The following SMAP1 variants were observed in gnomAD, a reference collection of about 807,000 sequenced individuals.
SMAP1 encodes stromal membrane-associated protein 1.
Under a neutral mutation model 58.5 loss-of-function variants are expected in SMAP1, and 24 were observed. The ratio of observed to expected loss-of-function variants is 0.41; its 90% CI spans 0.30 to 0.58. The LOEUF is 0.58. Among genes scored for constraint, SMAP1 ranks in the 20% least tolerant of loss-of-function variants. The pLI is 0.29. For synonymous variants in SMAP1, 216 were observed against 196.6 expected (o/e 1.10, Z -0.82); for missense variants, 563 against 566.3 (o/e 0.99, Z 0.06).
chr6:70,809,537 G>A (rs1244333305), intron 6 of SMAP1, among the ~76,000 whole-genome samples: 2 of 152,098 alleles, frequency 1.3e-5, no homozygotes. Flanking sequence ...TAAATTAAAT[G>A]GCTCATTGCC....
At chr6:70,825,237 T>C (rs191695052) in intron 6 of SMAP1, among the ~76,000 whole-genome samples, 41 of 152,198 alleles carry the variant, frequency 2.7e-4, no homozygotes, top group Non-Finnish European at 5.7e-4. Flanking sequence ...ATATTAAAGG[T>C]AGCATTGGGG....
intron 6 of SMAP1, among the ~76,000 whole-genome samples, chr6:70,835,244 T>G (rs1252087666): frequency 9.1e-6 from 1 of 110,078 alleles, no homozygotes; most frequent in African/African-American, 3.6e-5. Flanking sequence ...AGAGCGAGAC[T>G]CCGTCTCAAA....
rs1771721001 is a variant in SMAP1 at position 70,861,396 on chromosome 6, G to A, written c.*1062G>A. ...TCAAGAGTGGTATCTTGCAGTATCG[G>A]CACTGTACAAAAAAATCTTCCAATT... is the stretch of plus-strand genomic sequence containing the variant. On this transcript the variant is annotated 3_prime_UTR_variant, in exon 11 of 11. Transcript: ENST00000370455. The A allele has an allele frequency of 2.3e-6, 1 of 441,236 alleles. No individual in the cohort carries two copies. The highest frequency in any genetic ancestry group is 3.5e-5 in the Admixed American group (1 of 28,344). The allele number at this position is 441,236 out of a possible 1,614,324, so 27.3% of individuals were successfully genotyped here.
At chr6:70,722,055 C>A (rs928688189) in intron 1 of SMAP1, among the ~76,000 whole-genome samples, 1 of 152,138 alleles carries the variant, frequency 6.6e-6, no homozygotes, top group Admixed American at 6.6e-5. Context: ...TCATTGATAT[C>A]TATAGAACTT....
chr6:70,830,869 C>G (rs1770330432), intron 6 of SMAP1, among the ~76,000 whole-genome samples: 1 of 152,138 alleles, frequency 6.6e-6, no homozygotes, highest in African/African-American at 2.4e-5. Flanking sequence ...ACTAAGTAGA[C>G]TTTAGAGTGG....
chr6:70,681,113 T>TG (rs1766692148), intron 1 of SMAP1, among the ~76,000 whole-genome samples: 1 of 147,746 alleles, frequency 6.8e-6, no homozygotes. Flanking sequence ...GGAGTTTATT[T>TG]AAAAAAAAAA....
At chr6:70,737,373 C>A (rs1426840599) in intron 2 of SMAP1, among the ~76,000 whole-genome samples, 1 of 152,124 alleles carries the variant, frequency 6.6e-6, no homozygotes, top group Non-Finnish European at 1.5e-5. Context: ...TCTCAGCGTC[C>A]TGACCTCAGG....
intron 1 of SMAP1, among the ~76,000 whole-genome samples, chr6:70,690,868 C>T (rs1018570116): frequency 6.6e-6 from 1 of 151,790 alleles, no homozygotes; most frequent in Admixed American, 6.6e-5. Context: ...TCCCCCCTTC[C>T]CCACTGTTTT....
intron 1 of SMAP1, among the ~76,000 whole-genome samples, chr6:70,714,335 G>T (rs1021527407): frequency 2.6e-5 from 4 of 151,878 alleles, no homozygotes; most frequent in Admixed American, 2.0e-4. Context: ...TTGTCGTCTT[G>T]TTGCTTTTTG....
intron 4 of SMAP1, among the ~76,000 whole-genome samples, chr6:70,788,396 C>T (rs1004566158): frequency 4.0e-5 from 6 of 151,534 alleles, no homozygotes; most frequent in African/African-American, 1.5e-4. Flanking sequence ...CACATGTATA[C>T]ATATGTAACA....
At chr6:70,771,657 C>T (rs980042874) in intron 3 of SMAP1, among the ~76,000 whole-genome samples, 4 of 152,130 alleles carry the variant, frequency 2.6e-5, no homozygotes, top group African/African-American at 9.7e-5. Context: ...CGTCTGTCAC[C>T]CCTTTCTTTG....
At chr6:70,698,464 C>T (rs1191753598) in intron 1 of SMAP1, among the ~76,000 whole-genome samples, 3 of 152,314 alleles carry the variant, frequency 2.0e-5, no homozygotes, top group South Asian at 2.1e-4. Flanking sequence ...GTTATTATCC[C>T]TTTGAATCAG....
At chr6:70,802,222 G>T (rs2149957352) in intron 6 of SMAP1, among the ~76,000 whole-genome samples, 1 of 152,248 alleles carries the variant, frequency 6.6e-6, no homozygotes, top group Middle Eastern at 3.4e-3. Flanking sequence ...CCTTGACGAG[G>T]TCCTTTACAT....
intron 2 of SMAP1, among the ~76,000 whole-genome samples, chr6:70,742,191 C>T (rs978845841): frequency 2.0e-5 from 3 of 152,240 alleles, no homozygotes; most frequent in African/African-American, 7.2e-5. Flanking sequence ...AATTTCTCCT[C>T]AGAAAATGAG....
chr6:70,722,319 TGC>T (rs1383675602), intron 1 of SMAP1, among the ~76,000 whole-genome samples: 3 of 152,248 alleles, frequency 2.0e-5, no homozygotes, highest in Non-Finnish European at 4.4e-5. Context: ...TTTTTGTTTT[TGC>T]CATTTGACCC....
chr6:70,679,261 C>G (rs973658621), intron 1 of SMAP1, among the ~76,000 whole-genome samples: 7 of 152,070 alleles, frequency 4.6e-5, no homozygotes, highest in African/African-American at 1.4e-4. Context: ...TCGAGTGATT[C>G]GCCTGCCTTG....
At chr6:70,862,002 AAG>A (rs564113038) in exon 11 of SMAP1, 2,258 of 1,559,888 alleles carry the variant, frequency 1.4e-3, 22 homozygotes, top group African/African-American at 0.025. Flanking sequence ...AAAAAAAAAA[AAG>A]AGACTTTAAA....
intron 6 of SMAP1, among the ~76,000 whole-genome samples, chr6:70,811,189 G>C (rs144152603): frequency 2.5e-4 from 38 of 152,242 alleles, no homozygotes; most frequent in African/African-American, 8.7e-4. Flanking sequence ...TAACTACTCT[G>C]TGCCTCAGTT....
chr6:70,773,430 GT>G lies in SMAP1; in HGVS notation c.414+6del. On this transcript the variant is annotated splice_donor_region_variant and intron_variant, in intron 4 of 10. Transcript: ENST00000370455. ...AATGCCATAGCTATTACAAATGTAA[GT>G]AAAACCTTCATCTCTCATCAATTGT... 6.7e-7 allele frequency: 1 copy of G among 1,499,758 alleles called. No homozygotes were observed. The highest frequency in any genetic ancestry group is 9.2e-7 in the Non-Finnish European group (1 of 1,090,250). The allele number at this position is 1,499,758 out of a possible 1,614,324, so 92.9% of individuals were successfully genotyped here.
Sources: gnomAD v4.1 joint callset for allele counts (sites outside exome capture counted in the v4.1 genomes callset) on GRCh38, gnomAD v4.1.1 for gene constraint, MANE v1.5 for transcripts, NCBI Gene and HGNC (gene_info 2026-07-23, HGNC 2026-07-21) for gene names.